The following PARD3B variants were observed in gnomAD, a reference collection of about 807,000 sequenced individuals.
PARD3B encodes the protein par-3 family cell polarity regulator beta, also known as partitioning defective 3 homolog B.
A neutral mutation model predicts 130.2 loss-of-function variants in PARD3B; 103 were observed. The observed-to-expected ratio is 0.79, with a 90% CI of 0.67 to 0.93. The LOEUF is 0.93. PARD3B is among the 40% of genes least tolerant of loss of function. The pLI is 0.00. For synonymous variants in PARD3B, 583 were observed against 553.2 expected, an observed-to-expected ratio of 1.05 and a Z score of -0.76; for missense variants, 1,609 against 1,499.2, an observed-to-expected ratio of 1.07 and a Z score of -1.21.
chr2:205,540,758 G>A (rs963435475), intron 21 of PARD3B, among the ~76,000 whole-genome samples: 33 of 152,294 alleles, frequency 2.2e-4, no homozygotes, highest in Admixed American at 2.0e-3. Flanking sequence ...TTAATTATGC[G>A]AAAAGCAGTC....
At chr2:204,703,420 G>A (rs2037987961) in intron 2 of PARD3B, among the ~76,000 whole-genome samples, 1 of 152,190 alleles carries the variant, frequency 6.6e-6, no homozygotes, top group Non-Finnish European at 1.5e-5. Flanking sequence ...GTTGGATGGG[G>A]CAGTCAAAGG....
intron 2 of PARD3B, among the ~76,000 whole-genome samples, chr2:204,716,722 A>C (rs956572957): frequency 9.4e-5 from 14 of 148,398 alleles, no homozygotes; most frequent in African/African-American, 3.0e-4. Context: ...TCCTGGGTTC[A>C]CGCCATTCTC....
At chr2:205,114,258 T>C (rs1703864393) in intron 6 of PARD3B, among the ~76,000 whole-genome samples, 1 of 152,264 alleles carries the variant, frequency 6.6e-6, no homozygotes, top group Non-Finnish European at 1.5e-5. Context: ...TTGATGGAAA[T>C]TAAAGTGTGT....
At chr2:205,426,422 G>A (rs2047148949) in intron 19 of PARD3B, among the ~76,000 whole-genome samples, 4 of 152,162 alleles carry the variant, frequency 2.6e-5, no homozygotes, top group Admixed American at 2.0e-4. Flanking sequence ...TATTACAAAA[G>A]CAGAAATGAT....
At chr2:205,478,347 T>G (rs1422048950) in intron 20 of PARD3B, among the ~76,000 whole-genome samples, 1 of 152,172 alleles carries the variant, frequency 6.6e-6, no homozygotes, top group Non-Finnish European at 1.5e-5. Flanking sequence ...CCTGAAAATA[T>G]TAATGAGAGC....
At chr2:204,792,008 A>G (rs1445544789) in intron 2 of PARD3B, among the ~76,000 whole-genome samples, 1 of 152,222 alleles carries the variant, frequency 6.6e-6, no homozygotes, top group Non-Finnish European at 1.5e-5. Flanking sequence ...TTTTTATCAC[A>G]TTTACTAAAA....
intron 2 of PARD3B, among the ~76,000 whole-genome samples, chr2:204,854,857 A>C (rs1310376563): frequency 6.6e-6 from 1 of 152,184 alleles, no homozygotes; most frequent in African/African-American, 2.4e-5. Context: ...CTGGACACAC[A>C]CAAGGAGTTT....
chr2:205,466,782 G>C (rs1242359084), intron 20 of PARD3B, among the ~76,000 whole-genome samples: 2 of 152,134 alleles, frequency 1.3e-5, no homozygotes, highest in Non-Finnish European at 2.9e-5. Context: ...GCGCAATCTC[G>C]GCTCACTGCA....
At chr2:205,323,155 C>T (rs991785128) in intron 18 of PARD3B, among the ~76,000 whole-genome samples, 3 of 151,452 alleles carry the variant, frequency 2.0e-5, no homozygotes, top group Non-Finnish European at 2.9e-5. Context: ...ATGATCTGCC[C>T]GCCTCAGCCT....
intron 18 of PARD3B, among the ~76,000 whole-genome samples, chr2:205,308,977 A>ACTG (rs2042282123): frequency 1.3e-5 from 2 of 152,244 alleles, no homozygotes; most frequent in Admixed American, 1.3e-4. Context: ...CACACTGCAC[A>ACTG]CAGCCCAAGC....
intron 18 of PARD3B, among the ~76,000 whole-genome samples, chr2:205,377,266 G>A (rs192080279): frequency 9.2e-5 from 14 of 152,236 alleles, no homozygotes; most frequent in East Asian, 3.9e-4. Flanking sequence ...AGTGTTTCTC[G>A]TCTTCACCTG....
At chr2:205,175,483 G>T (rs1321228681) in intron 12 of PARD3B, among the ~76,000 whole-genome samples, 1 of 152,154 alleles carries the variant, frequency 6.6e-6, no homozygotes, top group Non-Finnish European at 1.5e-5. Flanking sequence ...TGTGTGACTA[G>T]CTCAACACTG....
chr2:205,301,762 CCTT>C lies in PARD3B; in HGVS notation c.2630+62_2630+64del. On this transcript the variant is annotated intron_variant, in intron 18 of 22. Transcript: ENST00000406610. The surrounding 1 kb of genome is among the most constrained non-coding windows in gnomAD (Gnocchi z 5.2). ...TTTTGTCTCTCCTGGTAAAATCACT[CCTT>C]TGTCTGTACTCAGAAAAAAGCGCAC... 1 of 1,613,850 alleles carries C rather than the reference CCTT, an allele frequency of 6.2e-7. No individual in the cohort carries two copies. The highest frequency in any genetic ancestry group is 8.5e-7 in the Non-Finnish European group (1 of 1,179,768).
At chr2:204,742,001 T>C (rs1047754840) in intron 2 of PARD3B, among the ~76,000 whole-genome samples, 8 of 152,162 alleles carry the variant, frequency 5.3e-5, no homozygotes, top group Non-Finnish European at 1.0e-4. Flanking sequence ...GAATGCATGT[T>C]CTTACACTTC....
chr2:205,013,895 A>C (rs1038388867), intron 3 of PARD3B, among the ~76,000 whole-genome samples: 1 of 152,212 alleles, frequency 6.6e-6, no homozygotes, highest in Admixed American at 6.5e-5. Flanking sequence ...GGAACAATTT[A>C]GACCATTTGA....
rs2105806339 is a variant in PARD3B at position 205,615,493 on chromosome 2, G to A, written c.3298G>A (p.Ala1100Thr). 1 of 1,611,784 alleles carries A rather than the reference G, an allele frequency of 6.2e-7. No individual in the cohort carries two copies. The change falls in exon 23 of 23, where the codon GCA (alanine) becomes ACA (threonine). Residue 1100 changes from alanine (A) to threonine (T), a missense_variant. Transcript: ENST00000406610. Reference sequence around the variant, plus strand: ...AGATCCTGTAGACTATCTGCCAGCAGCACCTCGGGGGCTCTACAAGGAAAG... The same window carrying A: ...AGATCCTGTAGACTATCTGCCAGCAACACCTCGGGGGCTCTACAAGGAAAG... ...PADPVDYLPAAPRGLYKEREL... is the reference protein window; with the variant it reads ...PADPVDYLPATPRGLYKEREL...
intron 1 of PARD3B, among the ~76,000 whole-genome samples, chr2:204,570,845 T>G (rs1402127363): frequency 2.7e-5 from 4 of 149,612 alleles, no homozygotes; most frequent in African/African-American, 1.0e-4. Context: ...CTGTTGCAAC[T>G]GAGGTGTATA....
intron 2 of PARD3B, among the ~76,000 whole-genome samples, chr2:204,774,599 G>A (rs954716038): frequency 3.3e-5 from 5 of 152,050 alleles, no homozygotes; most frequent in Admixed American, 2.6e-4. Flanking sequence ...TGTCTCTAGT[G>A]TCTTCTCTCC....
At position 205,217,862 on chromosome 2, in the gene PARD3B, GTGTGTGTATA is replaced by G. The variant is rs1343823618; in HGVS notation, c.2140+24544_2140+24553del. The stretch of plus-strand genomic sequence containing the variant: ...TGTGTATATGTGTGTGTGTGTGTGT[GTGTGTGTATA>G]TATATATATATATATATATATATTT... On this transcript the variant is annotated intron_variant, in intron 15 of 22. Transcript: ENST00000406610. Among the ~76,000 whole-genome samples the G allele has an allele frequency of 4.0e-3, 315 of 78,726 alleles. 1 individual carries two copies. Among genetic ancestry groups the G allele is most frequent in the African/African-American group, 9.9e-3 (169 of 17,124 alleles). The allele number at this position is 78,726 out of a possible 152,430, so 51.6% of individuals were successfully genotyped here. A position where few individuals can be genotyped will look rare whatever the true frequency, so the allele number is the denominator to read the frequency against.
Sources: allele counts gnomAD v4.1 joint callset (sites outside exome capture counted in the v4.1 genomes callset), GRCh38; gene constraint gnomAD v4.1.1; non-coding constraint Gnocchi (gnomAD v3.1); transcripts MANE v1.5; gene names NCBI Gene and HGNC (gene_info 2026-07-23, HGNC 2026-07-21).